Variants in DLG2 observed in about 807,000 individuals in gnomAD.
DLG2 encodes discs large MAGUK scaffold protein 2, also known as disks large homolog 2.
DLG2 carries 45 observed loss-of-function variants against 132.5 expected under a neutral mutation model. The ratio of observed to expected loss-of-function variants is 0.34; its 90% CI spans 0.27 to 0.44. The LOEUF (loss-of-function observed/expected upper bound fraction) is 0.44, where lower values mean the gene tolerates loss of function less well. DLG2 is among the 20% of genes least tolerant of loss of function. The pLI is 1.00. For missense variants in DLG2, 1,045 were observed against 1,196.9 expected (o/e 0.87, Z 1.87); for synonymous variants, 424 against 419.6 (o/e 1.01, Z -0.13).
At chr11:84,888,256 G>C (rs950709123) in intron 6 of DLG2, among the ~76,000 whole-genome samples, 3 of 152,112 alleles carry the variant, frequency 2.0e-5, no homozygotes, top group African/African-American at 7.2e-5. Flanking sequence ...GAGTGAAAAA[G>C]ATCGACTCTC....
intron 5 of DLG2, among the ~76,000 whole-genome samples, chr11:85,151,284 T>C (rs931242167): frequency 1.2e-4 from 18 of 152,234 alleles, no homozygotes; most frequent in Non-Finnish European, 7.3e-5. Flanking sequence ...ATATATATGA[T>C]TTGCAAATAC....
At chr11:84,755,976 G>T (rs986001428) in intron 6 of DLG2, among the ~76,000 whole-genome samples, 1 of 151,978 alleles carries the variant, frequency 6.6e-6, no homozygotes, top group African/African-American at 2.4e-5. Flanking sequence ...AATGACTGGC[G>T]TACTTCATCA....
chr11:85,486,426 GC>G (rs2093430934), intron 3 of DLG2, among the ~76,000 whole-genome samples: 1 of 152,270 alleles, frequency 6.6e-6, no homozygotes, highest in Middle Eastern at 3.4e-3. Context: ...GCCTATTTCA[GC>G]CAGTGCCTAA....
At chr11:84,732,086 T>C (rs1405855416) in intron 6 of DLG2, among the ~76,000 whole-genome samples, 1 of 152,054 alleles carries the variant, frequency 6.6e-6, no homozygotes, top group East Asian at 1.9e-4. Context: ...TATTCTGAGG[T>C]TTATCTAGAT....
intron 12 of DLG2, among the ~76,000 whole-genome samples, chr11:83,977,851 C>A (rs1403781815): frequency 2.0e-5 from 3 of 152,064 alleles, no homozygotes; most frequent in African/African-American, 4.8e-5. Flanking sequence ...ACTTTTAATA[C>A]ATACTTCATC....
intron 3 of DLG2, among the ~76,000 whole-genome samples, chr11:85,434,173 G>A (rs1297698613): frequency 6.6e-6 from 1 of 152,156 alleles, no homozygotes; most frequent in African/African-American, 2.4e-5. Context: ...AGCTAAAGCT[G>A]TGTTAAGAGG....
At chr11:84,903,969 A>T (rs2091219811) in intron 6 of DLG2, among the ~76,000 whole-genome samples, 1 of 152,172 alleles carries the variant, frequency 6.6e-6, no homozygotes. Flanking sequence ...GGCAATTTAC[A>T]AATGGAGAAA....
At chr11:83,790,977 A>T in intron 17 of DLG2, 1 of 839,500 alleles carries the variant, frequency 1.2e-6, no homozygotes, top group Admixed American at 2.1e-5. Flanking sequence ...GCGAAGATAC[A>T]GGTCTCCGTT....
chr11:85,076,368 C>G (rs633562), intron 6 of DLG2, among the ~76,000 whole-genome samples: 100,727 of 151,756 alleles, frequency 0.66, 34,332 homozygotes, highest in East Asian at 0.93. Flanking sequence ...TACATGCTGG[C>G]AAACACTTCC....
At chr11:83,578,596 A>C (rs913937640) in intron 19 of DLG2, among the ~76,000 whole-genome samples, 1 of 152,222 alleles carries the variant, frequency 6.6e-6, no homozygotes, top group African/African-American at 2.4e-5. Context: ...GACACTAGTC[A>C]AAAGAAAGTT....
intron 15 of DLG2, among the ~76,000 whole-genome samples, chr11:83,888,381 T>A (rs2068600680): frequency 6.6e-6 from 1 of 151,950 alleles, no homozygotes; most frequent in African/African-American, 2.4e-5. Context: ...TACCTAGGAA[T>A]CCCACTTACA....
chr11:84,848,855 C>T (rs2081838887), intron 6 of DLG2, among the ~76,000 whole-genome samples: 1 of 152,184 alleles, frequency 6.6e-6, no homozygotes, highest in Non-Finnish European at 1.5e-5. Context: ...TTAAGCCTAA[C>T]TTCTGGTATC....
chr11:83,943,926 A>G (rs2083233708), intron 14 of DLG2, among the ~76,000 whole-genome samples: 1 of 152,188 alleles, frequency 6.6e-6, no homozygotes, highest in Non-Finnish European at 1.5e-5. Context: ...TGGCCTTTTA[A>G]GATCTACCTT....
chr11:84,343,479 A>G (rs2098525105), intron 7 of DLG2, among the ~76,000 whole-genome samples: 1 of 152,190 alleles, frequency 6.6e-6, no homozygotes, highest in South Asian at 2.1e-4. Flanking sequence ...ATTTGTCAAG[A>G]ACTCTGCCAG....
intron 18 of DLG2, among the ~76,000 whole-genome samples, chr11:83,721,732 T>C (rs2088621802): frequency 1.3e-5 from 2 of 152,216 alleles, no homozygotes; most frequent in South Asian, 2.1e-4. Flanking sequence ...CAGCTGACTA[T>C]GGGAATGTCG....
At chr11:84,159,879 G>T (rs1281967409) in intron 9 of DLG2, among the ~76,000 whole-genome samples, 1 of 152,130 alleles carries the variant, frequency 6.6e-6, no homozygotes, top group Non-Finnish European at 1.5e-5. Flanking sequence ...ACTTACTCAT[G>T]AATGCTGAGG....
At chr11:83,537,388 C>T (rs925759675) in intron 20 of DLG2, among the ~76,000 whole-genome samples, 3 of 152,118 alleles carry the variant, frequency 2.0e-5, no homozygotes, top group Admixed American at 6.6e-5. Flanking sequence ...TAGAATGTCA[C>T]CCACATTAGT....
At chr11:84,483,610 T>G (rs1374258527) in intron 7 of DLG2, among the ~76,000 whole-genome samples, 3 of 152,096 alleles carry the variant, frequency 2.0e-5, no homozygotes, top group Non-Finnish European at 4.4e-5. Flanking sequence ...CCAAACACTC[T>G]TAATTGAAAT....
intron 7 of DLG2, among the ~76,000 whole-genome samples, chr11:84,473,491 G>A (rs1240155732): frequency 6.6e-6 from 1 of 151,984 alleles, no homozygotes; most frequent in Non-Finnish European, 1.5e-5. Flanking sequence ...CTATCTTGAT[G>A]TCATTGACAG....
Sources: gnomAD v4.1 joint callset for allele counts (sites outside exome capture counted in the v4.1 genomes callset) on GRCh38, gnomAD v4.1.1 for gene constraint, MANE v1.5 for transcripts, NCBI Gene and HGNC (gene_info 2026-07-23, HGNC 2026-07-21) for gene names.